Variants in ASXL2 observed in about 807,000 individuals in gnomAD.
ASXL2 encodes putative Polycomb group protein ASXL2.
Under a neutral mutation model 122.0 loss-of-function variants are expected in ASXL2, and 23 were observed. That is an observed-to-expected ratio of 0.19 (90% CI 0.14 to 0.27). The LOEUF (loss-of-function observed/expected upper bound fraction) is 0.27, where lower values mean the gene tolerates loss of function less well. Ranked by LOEUF, ASXL2 falls within the 10% of genes least tolerant of loss-of-function variation. ASXL2 has a pLI of 1.00. For missense variants in ASXL2, 1,518 were observed against 1,713.8 expected (o/e 0.89, Z 2.02); for synonymous variants, 650 against 637.0 (o/e 1.02, Z -0.31).
chr2:25,834,353 CA>C (rs1008685122), intron 3 of ASXL2, among the ~76,000 whole-genome samples: 17 of 151,682 alleles, frequency 1.1e-4, no homozygotes, highest in Non-Finnish European at 2.1e-4. Context: ...ACTCTGTCTC[CA>C]AAAAAATAAA....
chr2:25,787,854 G>C (rs187424720), intron 5 of ASXL2, among the ~76,000 whole-genome samples: 1 of 152,116 alleles, frequency 6.6e-6, no homozygotes, highest in Non-Finnish European at 1.5e-5. Context: ...AGGGGAGAGG[G>C]GACATGTGGA....
Position 25,750,324 on chromosome 2 carries a change from G to C in ASXL2, c.1232C>G (p.Ser411Cys). ...VKKTPAEQPK[S>C]MPVSEASLIR... Reference sequence around the variant, plus strand: ...AAGAGAGGCCTCTGACACAGGCATGGATTTTGGTTGTTCAGCTGGGGTTTT... The same window carrying C: ...AAGAGAGGCCTCTGACACAGGCATGCATTTTGGTTGTTCAGCTGGGGTTTT... Residue 411 changes from serine (S) to cysteine (C), a missense_variant, in exon 12 of 13, where the codon TCC (serine) becomes TGC (cysteine). Ser to Cys is a moderately radical substitution (Grantham distance 112). Coordinates refer to ENST00000435504, the MANE Select transcript of ASXL2 (RefSeq NM_018263.6). The C allele has an allele frequency of 6.2e-7, 1 of 1,614,016 alleles. No homozygotes were observed. The highest frequency in any genetic ancestry group is 1.7e-5 in the Admixed American group (1 of 60,028).
intron 3 of ASXL2, among the ~76,000 whole-genome samples, chr2:25,815,251 G>C (rs1401502125): frequency 6.6e-6 from 1 of 151,928 alleles, no homozygotes; most frequent in Non-Finnish European, 1.5e-5. Context: ...AAAATAATCT[G>C]ACCTTGACCA....
At position 25,734,192 on chromosome 2, in the gene ASXL2, T is replaced by C. The variant is rs1019883479; in HGVS notation, c.*7837A>G. ...GAAATTTTGTGAATTCTCTGAGAAC[T>C]TGCTCTTTAATCAGTACTTTATTAT... On this transcript the variant is annotated 3_prime_UTR_variant, in exon 13 of 13. Coordinates refer to ENST00000435504, the MANE Select transcript of ASXL2 (RefSeq NM_018263.6). The C allele has an allele frequency of 1.3e-5, 2 of 152,186 alleles. No individual in the cohort carries two copies. The highest frequency in any genetic ancestry group is 4.8e-5 in the African/African-American group (2 of 41,442). 9.4% of individuals were successfully genotyped at this position (152,186 alleles called of 1,614,324 possible).
intron 5 of ASXL2, 50 bp from the exon 6 acceptor site, chr2:25,771,590 A>C (rs763714097): frequency 2.1e-6 from 3 of 1,437,964 alleles, no homozygotes; most frequent in African/African-American, 2.8e-5. Flanking sequence ...AGAGATACCA[A>C]GCACCATTCC....
Position 25,744,483 on chromosome 2 carries a change from G to C in ASXL2, c.1861-7C>G, listed in dbSNP as rs777233123. 1 of 1,578,778 alleles carries C rather than the reference G, an allele frequency of 6.3e-7. No homozygotes were observed. Among genetic ancestry groups the C allele is most frequent in the Non-Finnish European group, 8.5e-7 (1 of 1,170,298 alleles). On this transcript the variant is annotated splice_polypyrimidine_tract_variant and splice_region_variant and intron_variant, in intron 12 of 12. Coordinates refer to ENST00000435504, the MANE Select transcript of ASXL2 (RefSeq NM_018263.6). The surrounding 1 kb of genome is among the most constrained non-coding windows in gnomAD (Gnocchi z 4.7). ...AGATTCTGGAGACCGGGATCTGAAA[G>C]AAGTAGAGGGGAAAAAAACAACAGA...
At chr2:25,745,206 C>G (rs1176606868) in intron 12 of ASXL2, among the ~76,000 whole-genome samples, 1 of 133,094 alleles carries the variant, frequency 7.5e-6, no homozygotes, top group Non-Finnish European at 1.6e-5. Flanking sequence ...CCCCCAAGAC[C>G]CTAGGAAGTC....
Position 25,845,566 on chromosome 2 carries a change from G to GA in ASXL2, c.58-4dup. On this transcript the variant is annotated splice_region_variant and splice_polypyrimidine_tract_variant and intron_variant, in intron 1 of 12. Coordinates refer to ENST00000435504, the MANE Select transcript of ASXL2 (RefSeq NM_018263.6). The stretch of plus-strand genomic sequence containing the variant: ...GTATTGGGGTATTTTTCTAAGACCT[G>GA]AAAAACAAGTATATAATAATAAATT... 7.9e-7 allele frequency: 1 copy of GA among 1,261,192 alleles called. No individual in the cohort carries two copies. The highest frequency in any genetic ancestry group is 1.1e-6 in the Non-Finnish European group (1 of 949,650). 78.1% of individuals were successfully genotyped at this position (1,261,192 alleles called of 1,614,324 possible).
In ASXL2 at chr2:25,741,696, T is replaced by C. The variant is rs893070432; in HGVS notation, c.*333A>G. On this transcript the variant is annotated 3_prime_UTR_variant, in exon 13 of 13. Coordinates refer to ENST00000435504, the MANE Select transcript of ASXL2 (RefSeq NM_018263.6). ...GCATTAAACTTTTCTCAGTCACAAGTAGTAGAACATTAATCTGAATTCAAA... is the reference window on the plus strand; with the variant it reads ...GCATTAAACTTTTCTCAGTCACAAGCAGTAGAACATTAATCTGAATTCAAA... The C allele has an allele frequency of 3.5e-6, 1 of 287,130 alleles. No homozygotes were observed. The highest frequency in any genetic ancestry group is 2.1e-5 in the African/African-American group (1 of 47,212). The allele number at this position is 287,130 out of a possible 1,614,324, so 17.8% of individuals were successfully genotyped here. A position where few individuals can be genotyped will look rare whatever the true frequency, so the allele number is the denominator to read the frequency against.
intron 10 of ASXL2, 77 bp from the exon 11 acceptor site, chr2:25,753,716 A>T: frequency 8.8e-7 from 1 of 1,133,194 alleles, no homozygotes. Flanking sequence ...ATCATGAAAG[A>T]CTCACGCAGG....
At chr2:25,774,477 G>A (rs1427738173) in intron 5 of ASXL2, among the ~76,000 whole-genome samples, 3 of 152,084 alleles carry the variant, frequency 2.0e-5, no homozygotes, top group Non-Finnish European at 4.4e-5. Context: ...TATAAATATT[G>A]TGCAGCAGGA....
At position 25,773,665 on chromosome 2, in the gene ASXL2, C is replaced by CAA. The variant is rs55641820; in HGVS notation, c.404-2127_404-2126dup. On this transcript the variant is annotated intron_variant, in intron 5 of 12. Coordinates refer to ENST00000435504, the MANE Select transcript of ASXL2 (RefSeq NM_018263.6). ...TGGGCGACAGAGAGAGACTCCATCT[C>CAA]AAAAAAAAAAAAACAAAAATCATAG... Among the ~76,000 whole-genome samples, 983 of 135,738 alleles carry CAA rather than the reference C, an allele frequency of 7.2e-3. 10 individuals carry two copies. The highest frequency in any genetic ancestry group is 0.011 in the Non-Finnish European group (739 of 64,760). 89.0% of individuals were successfully genotyped at this position (135,738 alleles called of 152,430 possible).
chr2:25,742,182 C>T lies in ASXL2; in HGVS notation c.4155G>A (p.Gln1385=), dbSNP rs1177907510. 6.2e-7 allele frequency: 1 copy of T among 1,613,982 alleles called. No homozygotes were observed. Among genetic ancestry groups the T allele is most frequent in the Non-Finnish European group, 8.5e-7 (1 of 1,179,886 alleles). ...CTATGCTGTTCTCTTCGGAGAACGC[C>T]TGAACAGGAATGGTCTGGCCATGGC... The part of the protein sequence containing the change: ...PSSHGQTIPV[Q]AFSEENSIEG... The change falls in exon 13 of 13, where the codon CAG becomes CAA. Residue 1385 remains glutamine (Q), a synonymous_variant. Coordinates refer to ENST00000435504, the MANE Select transcript of ASXL2 (RefSeq NM_018263.6).
chr2:25,861,411 C>G (rs1239653822), intron 1 of ASXL2, among the ~76,000 whole-genome samples: 1 of 152,126 alleles, frequency 6.6e-6, no homozygotes, highest in Non-Finnish European at 1.5e-5. Flanking sequence ...AAAACTCACA[C>G]AAGAAAAAAC....
At chr2:25,831,452 G>C (rs1016689885) in intron 3 of ASXL2, among the ~76,000 whole-genome samples, 1 of 152,314 alleles carries the variant, frequency 6.6e-6, no homozygotes, top group South Asian at 2.1e-4. Context: ...TTTGAGCTCA[G>C]GTATTGCGCT....
chr2:25,789,202 C>T (rs867483177), intron 5 of ASXL2, among the ~76,000 whole-genome samples: 1 of 151,794 alleles, frequency 6.6e-6, no homozygotes, highest in East Asian at 1.9e-4. Flanking sequence ...TTTATTAATG[C>T]TATGGGTTTT....
In ASXL2 at chr2:25,737,484, A is replaced by G. The variant is rs1258296092; in HGVS notation, c.*4545T>C. 6.6e-6 allele frequency: 1 copy of G among 152,208 alleles called. No individual in the cohort carries two copies. Among genetic ancestry groups the G allele is most frequent in the Non-Finnish European group, 1.5e-5 (1 of 68,036 alleles). 9.4% of individuals were successfully genotyped at this position (152,208 alleles called of 1,614,324 possible). A position where few individuals can be genotyped will look rare whatever the true frequency, so the allele number is the denominator to read the frequency against. On this transcript the variant is annotated 3_prime_UTR_variant, in exon 13 of 13. Transcript: ENST00000435504. ...GGAGAAAACATGGAGACAGACAGAT[A>G]AGGAAAATTTAATCAGTTTTACTTA...
chr2:25,836,608 T>C (rs780264436), intron 2 of ASXL2, among the ~76,000 whole-genome samples: 1 of 152,202 alleles, frequency 6.6e-6, no homozygotes, highest in Admixed American at 6.5e-5. Flanking sequence ...CAGATGTCAT[T>C]AGGACTCCCC....
At chr2:25,763,471 CAG>C (rs2088288786) in intron 8 of ASXL2, among the ~76,000 whole-genome samples, 1 of 150,258 alleles carries the variant, frequency 6.7e-6, no homozygotes, top group Admixed American at 6.6e-5. Context: ...GCCTGGGTGA[CAG>C]ATCAAGACTC....
Sources: allele counts gnomAD v4.1 joint callset (sites outside exome capture counted in the v4.1 genomes callset), GRCh38; gene constraint gnomAD v4.1.1; non-coding constraint Gnocchi (gnomAD v3.1); transcripts MANE v1.5; gene names NCBI Gene and HGNC (gene_info 2026-07-23, HGNC 2026-07-21).